The following ERICH3 variants were observed in gnomAD, a reference collection of about 807,000 sequenced individuals.
ERICH3 encodes the protein glutamate rich 3.
A neutral mutation model predicts 131.1 loss-of-function variants in ERICH3; 126 were observed. The ratio of observed to expected loss-of-function variants is 0.96; its 90% CI spans 0.83 to 1.11. The LOEUF (loss-of-function observed/expected upper bound fraction) is 1.11. Among genes scored for constraint, ERICH3 ranks in the 50% most tolerant of loss-of-function variants. ERICH3 has a pLI of 0.00. For missense variants in ERICH3, 2,050 were observed against 1,810.7 expected, an observed-to-expected ratio of 1.13 and a Z score of -2.40; for synonymous variants, 695 against 644.6, an observed-to-expected ratio of 1.08 and a Z score of -1.18.
intron 9 of ERICH3, among the ~76,000 whole-genome samples, chr1:74,611,206 T>C (rs577090868): frequency 6.6e-6 from 1 of 152,232 alleles, no homozygotes; most frequent in South Asian, 2.1e-4. Context: ...ACTCAATGTG[T>C]CCTCGACCAA....
rs143249130 is a variant in ERICH3 at position 74,606,870 on chromosome 1, G to A, written c.1220C>T (p.Pro407Leu). The A allele has an allele frequency of 6.2e-3, 9,988 of 1,611,672 alleles. 42 individuals carry two copies. The highest frequency in any genetic ancestry group is 7.0e-3 in the Non-Finnish European group (8,262 of 1,178,950). The change falls in exon 10 of 15, where the codon CCG becomes CTG. Residue 407 changes from proline to leucine, a missense_variant. Transcript: ENST00000326665. ...TTCTTTCCTAGATTTCGGCAAAGAC[G>A]GTTTTTTGTCAAGGCCCATTGCAAT... ...CIIAMGLDKK[P>L]SLPKSRKEKS...
Position 74,593,045 on chromosome 1 carries a change from C to G in ERICH3, c.1727-2965G>C, listed in dbSNP as rs12568388. Among the ~76,000 whole-genome samples, 514 of 152,220 alleles carry G rather than the reference C, an allele frequency of 3.4e-3. 20 individuals are homozygous for G. The East Asian group carries it at 0.087, about 26-fold the overall frequency. On this transcript the variant is annotated intron_variant, in intron 11 of 14. Coordinates refer to ENST00000326665, the MANE Select transcript of ERICH3 (RefSeq NM_001002912.5). ...TTGATAAACAGCTATGCCTCCTACC[C>G]AATTCCATTTGTTCATGTATTCCCT...
At chr1:74,618,520 A>G (rs1369870947) in intron 8 of ERICH3, among the ~76,000 whole-genome samples, 2 of 152,202 alleles carry the variant, frequency 1.3e-5, no homozygotes, top group East Asian at 3.9e-4. Context: ...AAAGCCAGAA[A>G]AAAATTGTTA....
chr1:74,603,409 T>C (rs696700), intron 10 of ERICH3, among the ~76,000 whole-genome samples: 37,233 of 151,794 alleles, frequency 0.25, 6,381 homozygotes, highest in African/African-American at 0.48. Flanking sequence ...ATAATACCTA[T>C]CATGTTGAAT....
intron 1 of ERICH3, 125 bp downstream of exon 1, chr1:74,673,371 TC>T (rs1646759366): frequency 3.7e-6 from 4 of 1,085,494 alleles, no homozygotes; most frequent in Admixed American, 2.5e-5. Flanking sequence ...GTATATATTT[TC>T]CTCTCCCCAG....
Position 74,649,252 on chromosome 1 carries a change from C to T in ERICH3, c.87G>A (p.Arg29=). Residue 29 remains arginine, a synonymous_variant, in exon 2 of 15, where the codon AGG becomes AGA. Transcript: ENST00000326665. ...KHLAGYFNNT[R]IRRHLLRSGL... Reference sequence around the variant, plus strand: ...CTGATCTTAAGAGATGACGCCTTATCCTTGTATTGTTAAAATACCCAGCCA... The same window carrying T: ...CTGATCTTAAGAGATGACGCCTTATTCTTGTATTGTTAAAATACCCAGCCA... 1.2e-6 allele frequency: 2 copies of T among 1,612,416 alleles called. No individual in the cohort carries two copies. The highest frequency in any genetic ancestry group is 1.7e-6 in the Non-Finnish European group (2 of 1,179,052).
At chr1:74,623,099 C>T (rs918692868) in intron 7 of ERICH3, 3 of 152,220 alleles carry the variant, frequency 2.0e-5, no homozygotes, top group Non-Finnish European at 2.9e-5. Flanking sequence ...AATAAGGTTT[C>T]TCGGCCCTTT....
At chr1:74,658,507 G>GTT (rs1226813777) in intron 1 of ERICH3, among the ~76,000 whole-genome samples, 1 of 151,956 alleles carries the variant, frequency 6.6e-6, no homozygotes, top group Non-Finnish European at 1.5e-5. Context: ...CAAACACCTA[G>GTT]TAGGTGGGTT....
rs1201550158 is a variant in ERICH3 at position 74,636,316 on chromosome 1, G to C, written c.567C>G (p.Thr189=). Residue 189 remains threonine (T), a synonymous_variant, in exon 6 of 15, where the codon ACC becomes ACG. Transcript: ENST00000326665. ...PKVTSRSRSK[T]SLLENEALFP... ...ACAGAGCTTCATTTTCCAGCAATGA[G>C]GTTTTTGATCTGGACCTTGAAGTTA... 2 of 1,610,046 alleles carry C rather than the reference G, an allele frequency of 1.2e-6. No homozygotes were observed. Among genetic ancestry groups the C allele is most frequent in the Non-Finnish European group, 1.7e-6 (2 of 1,177,690 alleles).
intron 9 of ERICH3, among the ~76,000 whole-genome samples, chr1:74,611,922 T>C (rs1029767473): frequency 6.6e-5 from 10 of 152,190 alleles, no homozygotes; most frequent in Non-Finnish European, 1.5e-4. Flanking sequence ...GGTACGTTAT[T>C]AGCTTTTCCT....
chr1:74,631,006 G>T (rs1212837548), intron 7 of ERICH3, among the ~76,000 whole-genome samples: 1 of 152,050 alleles, frequency 6.6e-6, no homozygotes, highest in African/African-American at 2.4e-5. Flanking sequence ...GGTGAATAAG[G>T]TTCCTGAAAG....
Position 74,606,625 on chromosome 1 carries a change from C to T in ERICH3, c.1465G>A (p.Asp489Asn), listed in dbSNP as rs748670801. The T allele has an allele frequency of 1.2e-5, 19 of 1,608,070 alleles. No homozygotes were observed. The highest frequency in any genetic ancestry group is 8.1e-5 in the African/African-American group (6 of 74,380). ...CCATATTTTAAAGTATTTTCCTGGT[C>T]GTCTTCCAAGACTTCTTGTCCTGGT... ...GKPGQEVLED[D>N]QENTLKYEYE... The change falls in exon 10 of 15, where the codon GAC (aspartate) becomes AAC (asparagine). Residue 489 changes from aspartate to asparagine, a missense_variant. By Grantham distance (23) the Asp-to-Asn change is conservative (BLOSUM62 1). Coordinates refer to ENST00000326665, the MANE Select transcript of ERICH3 (RefSeq NM_001002912.5).
chr1:74,660,592 A>AGT (rs1291084285), intron 1 of ERICH3, among the ~76,000 whole-genome samples: 2 of 89,492 alleles, frequency 2.2e-5, no homozygotes, highest in Non-Finnish European at 5.1e-5. Flanking sequence ...CAGACACACA[A>AGT]GTGTATATAT....
At chr1:74,601,506 C>T (rs1267696722) in intron 10 of ERICH3, among the ~76,000 whole-genome samples, 1 of 151,662 alleles carries the variant, frequency 6.6e-6, no homozygotes, top group African/African-American at 2.4e-5. Flanking sequence ...GGCTGGGTTG[C>T]TATAGATTTT....
Position 74,646,865 on chromosome 1 carries a change from G to A in ERICH3, c.118-73C>T, listed in dbSNP as rs1215282660. On this transcript the variant is annotated intron_variant, in intron 2 of 14. Coordinates refer to ENST00000326665, the MANE Select transcript of ERICH3 (RefSeq NM_001002912.5). ...TGGTGTTAGTTTCCAAAAAAGGGAG[G>A]CTGGAGGGTGGAGAAGACAGACAGA... The A allele has an allele frequency of 2.6e-5, 18 of 699,730 alleles. No homozygotes were observed. The East Asian group carries it at 6.3e-4, about 25-fold the overall frequency. The allele number at this position is 699,730 out of a possible 1,614,324, so 43.3% of individuals were successfully genotyped here.
rs577891182 is a variant in ERICH3 at position 74,582,636 on chromosome 1, A to T, written c.2177-5700T>A. ...CAATAATTCAACTGCTTTTGTGGAAACAAATCAAATAACATATGAAAATTC... is the reference window on the plus strand; with the variant it reads ...CAATAATTCAACTGCTTTTGTGGAATCAAATCAAATAACATATGAAAATTC... On this transcript the variant is annotated intron_variant, in intron 12 of 14. Coordinates refer to ENST00000326665, the MANE Select transcript of ERICH3 (RefSeq NM_001002912.5). Among the ~76,000 whole-genome samples the T allele has an allele frequency of 3.6e-3, 541 of 152,324 alleles. 2 individuals are homozygous for T. Among genetic ancestry groups the T allele is most frequent in the Non-Finnish European group, 5.0e-3 (338 of 68,022 alleles).
In ERICH3 at chr1:74,631,984, T is replaced by C. The variant is rs186457895; in HGVS notation, c.604-56A>G. On this transcript the variant is annotated intron_variant, in intron 6 of 14. Transcript: ENST00000326665. ...GTGAAACAGAATCAGTGACTCAATG[T>C]AACCCAAATTTAAAGACAAGCCTAA... 2.3e-4 allele frequency: 334 copies of C among 1,475,510 alleles called. 3 individuals are homozygous for C. The African/African-American group carries it at 3.9e-3, about 17-fold the overall frequency. The allele number at this position is 1,475,510 out of a possible 1,614,324, so 91.4% of individuals were successfully genotyped here. A position where few individuals can be genotyped will look rare whatever the true frequency, so the allele number is the denominator to read the frequency against.
rs1646762948 is a variant in ERICH3, at chr1:74,673,667, G to GCCA, written c.-149_-148insTGG. On this transcript the variant is annotated 5_prime_UTR_variant, in exon 1 of 15. Transcript: ENST00000326665. ...CGGGCACCTGGGCTGGGCCGCCGCC[G>GCCA]CCCCTGGGCGCCCGGGCTACCCGCA... 1 of 670,628 alleles carries GCCA rather than the reference G, an allele frequency of 1.5e-6. No homozygotes were observed. Among genetic ancestry groups the GCCA allele is most frequent in the Admixed American group, 4.4e-5 (1 of 22,648 alleles). The allele number at this position is 670,628 out of a possible 1,614,324, so 41.5% of individuals were successfully genotyped here. A position where few individuals can be genotyped will look rare whatever the true frequency, so the allele number is the denominator to read the frequency against.
intron 1 of ERICH3, among the ~76,000 whole-genome samples, chr1:74,654,278 C>A (rs1646563486): frequency 6.6e-6 from 1 of 152,006 alleles, no homozygotes; most frequent in South Asian, 2.1e-4. Context: ...AGTTCCAAAG[C>A]CACTTCCACA....
Sources: gnomAD v4.1 joint callset for allele counts (sites outside exome capture counted in the v4.1 genomes callset) on GRCh38, gnomAD v4.1.1 for gene constraint, MANE v1.5 for transcripts, NCBI Gene and HGNC (gene_info 2026-07-23, HGNC 2026-07-21) for gene names.